The following DUSP10 variants were observed in gnomAD, a reference collection of about 807,000 sequenced individuals.
DUSP10 encodes the protein dual specificity protein phosphatase 10.
In DUSP10, 14 loss-of-function variants were observed where a neutral mutation model predicts 30.8. The observed-to-expected ratio is 0.46, with a 90% CI of 0.30 to 0.71. The LOEUF is 0.71. Ranked by LOEUF, DUSP10 falls within the 30% of genes least tolerant of loss-of-function variation. The pLI is 0.08. For missense variants in DUSP10, 550 were observed against 619.4 expected (o/e 0.89, Z 1.19); for synonymous variants, 254 against 250.4 (o/e 1.01, Z -0.14).
intron 2 of DUSP10, chr1:221,737,284 A>G: frequency 1.0e-6 from 1 of 985,444 alleles, no homozygotes; most frequent in Non-Finnish European, 1.2e-6. Flanking sequence ...GCGTGAGAAA[A>G]GAGGAGATCA....
intron 2 of DUSP10, among the ~76,000 whole-genome samples, chr1:221,708,154 T>C (rs1178141738): frequency 6.6e-6 from 1 of 152,210 alleles, no homozygotes; most frequent in Non-Finnish European, 1.5e-5. Context: ...ACACAACATC[T>C]ACCCTCAAAG....
At chr1:221,711,159 T>C (rs768836132) in intron 2 of DUSP10, among the ~76,000 whole-genome samples, 3 of 152,200 alleles carry the variant, frequency 2.0e-5, no homozygotes, top group Non-Finnish European at 4.4e-5. Context: ...CTAGTTTTAG[T>C]GGGAAACTTC....
intron 2 of DUSP10, among the ~76,000 whole-genome samples, chr1:221,708,527 T>C (rs1026758492): frequency 6.6e-6 from 1 of 152,198 alleles, no homozygotes; most frequent in African/African-American, 2.4e-5. Flanking sequence ...CCTAGCTTTT[T>C]GAAAAGAAAA....
At chr1:221,712,777 C>CAAAAAAAAAAAAAAAAAAAAAA (rs58249338) in intron 2 of DUSP10, among the ~76,000 whole-genome samples, 2 of 56,950 alleles carry the variant, frequency 3.5e-5, no homozygotes, top group Non-Finnish European at 3.1e-5. Context: ...TATAAAGCAG[C>CAAAAAAAAAAAAAAAAAAAAAA]AAAAAAAAAA....
intron 2 of DUSP10, among the ~76,000 whole-genome samples, chr1:221,708,699 A>G (rs1259336697): frequency 2.0e-5 from 3 of 152,222 alleles, no homozygotes; most frequent in Non-Finnish European, 4.4e-5. Flanking sequence ...ACCAGTGAAG[A>G]CTTAAAAAAT....
chr1:221,739,823 G>A (rs1394420393), intron 1 of DUSP10, 36 bp from the exon 2 acceptor site: 7 of 1,486,304 alleles, frequency 4.7e-6, no homozygotes, highest in East Asian at 2.3e-5. Flanking sequence ...AAAGAATAAA[G>A]TCACGTGACA....
At chr1:221,736,078 T>C (rs936771616) in intron 2 of DUSP10, among the ~76,000 whole-genome samples, 2 of 152,096 alleles carry the variant, frequency 1.3e-5, no homozygotes, top group South Asian at 4.1e-4. Context: ...GCACTGTAAA[T>C]TAGAACAGTA....
rs1558128978 is a variant in DUSP10, at chr1:221,739,400, G to GTT, written c.343_344dup (p.Asn115LysfsTer14). ...TATTCTCATTATTGTTGACCATCTG[G>GTT]TTAGCAGGGCAGGTGGTAGAGGTTC... On this transcript the variant is annotated frameshift_variant, in exon 2 of 4. Coordinates refer to ENST00000366899, the MANE Select transcript of DUSP10 (RefSeq NM_007207.6). LOFTEE classifies it high-confidence loss of function. 6.2e-7 allele frequency: 1 copy of GTT among 1,614,202 alleles called. No homozygotes were observed. The highest frequency in any genetic ancestry group is 8.5e-7 in the Non-Finnish European group (1 of 1,180,036).
chr1:221,711,859 C>T (rs978869562), intron 2 of DUSP10: 4 of 152,150 alleles, frequency 2.6e-5, no homozygotes, highest in Non-Finnish European at 4.4e-5. Flanking sequence ...GGAAACAGAA[C>T]ATCAGAGCCA....
intron 1 of DUSP10, among the ~76,000 whole-genome samples, chr1:221,740,462 G>T (rs1661920555): frequency 6.6e-6 from 1 of 152,092 alleles, no homozygotes; most frequent in Admixed American, 6.5e-5. Flanking sequence ...AAATTAATCT[G>T]CATTTCCCCT....
intron 3 of DUSP10, among the ~76,000 whole-genome samples, chr1:221,704,893 C>T (rs1359065975): frequency 6.6e-6 from 1 of 152,144 alleles, no homozygotes; most frequent in South Asian, 2.1e-4. Context: ...ATCCACCAGA[C>T]CCCACTGGCT....
intron 2 of DUSP10, among the ~76,000 whole-genome samples, chr1:221,730,296 G>A (rs1324624972): frequency 6.6e-6 from 1 of 152,212 alleles, no homozygotes; most frequent in African/African-American, 2.4e-5. Flanking sequence ...AATAAGATCA[G>A]TCGAGTTCGC....
chr1:221,733,739 G>T (rs1661684075), intron 2 of DUSP10, among the ~76,000 whole-genome samples: 2 of 152,206 alleles, frequency 1.3e-5, no homozygotes, highest in African/African-American at 4.8e-5. Context: ...CCTCTGAGAG[G>T]CCCCCTGATT....
intron 2 of DUSP10, among the ~76,000 whole-genome samples, chr1:221,716,104 A>C (rs937118020): frequency 7.9e-5 from 12 of 151,734 alleles, no homozygotes; most frequent in African/African-American, 2.9e-4. Context: ...ATCCATCAGC[A>C]GTAGATGGGA....
Position 221,722,285 on chromosome 1 carries a change from G to A in DUSP10, c.812-15819C>T, listed in dbSNP as rs1205179598. Among the ~76,000 whole-genome samples, 3 of 152,230 alleles carry A rather than the reference G, an allele frequency of 2.0e-5. No individual in the cohort carries two copies. In the South Asian group the frequency reaches 6.2e-4, roughly 31 times the overall value. On this transcript the variant is annotated intron_variant, in intron 2 of 3. Transcript: ENST00000366899. ...CTTGAAGCCTCTGGTATTCTGGAAG[G>A]TGAGATGCTCAGGGACTGTGTGAGA...
At chr1:221,729,319 T>C (rs1399037953) in intron 2 of DUSP10, among the ~76,000 whole-genome samples, 3 of 152,092 alleles carry the variant, frequency 2.0e-5, no homozygotes, top group Non-Finnish European at 4.4e-5. Context: ...TTTGAGGATA[T>C]ACAAGAAAAA....
intron 2 of DUSP10, among the ~76,000 whole-genome samples, chr1:221,721,812 C>T (rs1661286104): frequency 6.6e-6 from 1 of 152,096 alleles, no homozygotes; most frequent in African/African-American, 2.4e-5. Flanking sequence ...AGGAGGGGCC[C>T]TCAATTCAGT....
chr1:221,730,808 T>A (rs896048472), intron 2 of DUSP10, among the ~76,000 whole-genome samples: 9 of 152,042 alleles, frequency 5.9e-5, no homozygotes, highest in Admixed American at 1.3e-4. Flanking sequence ...TGAAAAAAAA[T>A]TACATATATC....
In DUSP10 at chr1:221,739,261, A is replaced by T; in HGVS notation, c.484T>A (p.Cys162Ser). The T allele has an allele frequency of 6.2e-7, 1 of 1,614,164 alleles. No homozygotes were observed. Among genetic ancestry groups the T allele is most frequent in the South Asian group, 1.1e-5 (1 of 91,082 alleles). The change falls in exon 2 of 4, where the codon TGC becomes AGC. Residue 162 changes from cysteine (C) to serine (S), a missense_variant. Coordinates refer to ENST00000366899, the MANE Select transcript of DUSP10 (RefSeq NM_007207.6). ...PNDLAKKMTK[C>S]SKSHLPSQGP... ...TGACTCGGCAGGTGACTCTTGCTGC[A>T]TTTGGTCATCTTCTTTGCCAAGTCA...
Sources: gnomAD v4.1 joint callset for allele counts (sites outside exome capture counted in the v4.1 genomes callset) on GRCh38, gnomAD v4.1.1 for gene constraint, MANE v1.5 for transcripts, NCBI Gene and HGNC (gene_info 2026-07-23, HGNC 2026-07-21) for gene names.